The following TRIM2 variants were observed in gnomAD, a reference collection of about 807,000 sequenced individuals.
TRIM2 encodes tripartite motif containing 2.
TRIM2 carries 20 observed loss-of-function variants against 75.2 expected under a neutral mutation model. That is an observed-to-expected ratio of 0.27 (90% CI 0.19 to 0.39). TRIM2 has a LOEUF of 0.39. Among genes scored for constraint, TRIM2 ranks in the 10% least tolerant of loss-of-function variants. The pLI, the probability that TRIM2 is intolerant of heterozygous loss-of-function variation, is 1.00. For missense variants in TRIM2, 660 were observed against 990.8 expected (o/e 0.67, Z 4.48); for synonymous variants, 373 against 388.3 (o/e 0.96, Z 0.46).
At chr4:153,298,460 G>A (rs1763194596) in intron 6 of TRIM2, among the ~76,000 whole-genome samples, 1 of 152,080 alleles carries the variant, frequency 6.6e-6, no homozygotes, top group Non-Finnish European at 1.5e-5. Flanking sequence ...TTGTGGCTCA[G>A]CCCCTATTGT....
At chr4:153,242,951 G>A (rs963313634) in intron 1 of TRIM2, among the ~76,000 whole-genome samples, 4 of 152,248 alleles carry the variant, frequency 2.6e-5, no homozygotes, top group African/African-American at 9.6e-5. Flanking sequence ...CGGGGGTGGA[G>A]GCAGCATGAG....
At chr4:153,202,605 A>G (rs1398859415), upstream of TRIM2, among the ~76,000 whole-genome samples, 1 of 151,644 alleles carries the variant, frequency 6.6e-6, no homozygotes, top group Non-Finnish European at 1.5e-5. Context: ...AGTCTGAGGC[A>G]GGAGAATGGC....
At chr4:153,210,058 A>ATTTTTTTT (rs761134144) in intron 1 of TRIM2, among the ~76,000 whole-genome samples, 6 of 106,998 alleles carry the variant, frequency 5.6e-5, no homozygotes, top group African/African-American at 8.1e-5. Flanking sequence ...GGGTGATTTA[A>ATTTTTTTT]TTTTTTTTTT....
intron 10 of TRIM2, among the ~76,000 whole-genome samples, chr4:153,326,941 C>T (rs1236910407): frequency 7.1e-6 from 1 of 140,200 alleles, no homozygotes; most frequent in African/African-American, 2.7e-5. Flanking sequence ...GATTGTGCCA[C>T]TGCATTCCAG....
At chr4:153,188,756 A>C (rs1194164952) in intron 1 of TRIM2, among the ~76,000 whole-genome samples, 1 of 152,160 alleles carries the variant, frequency 6.6e-6, no homozygotes, top group Non-Finnish European at 1.5e-5. Flanking sequence ...AAACAAAAAA[A>C]AAAAAAGGAA....
intron 1 of TRIM2, among the ~76,000 whole-genome samples, chr4:153,247,001 G>A (rs916958485): frequency 7.9e-5 from 12 of 152,160 alleles, no homozygotes; most frequent in Admixed American, 3.3e-4. Flanking sequence ...GAGGCCTCCC[G>A]TTCTCATGTC....
At chr4:153,236,808 C>G (rs935103706) in intron 1 of TRIM2, among the ~76,000 whole-genome samples, 5 of 152,118 alleles carry the variant, frequency 3.3e-5, no homozygotes, top group Non-Finnish European at 7.3e-5. Flanking sequence ...CCTCCCAACT[C>G]AGCCTCCTCA....
At chr4:153,258,525 G>T (rs1174002363) in intron 1 of TRIM2, among the ~76,000 whole-genome samples, 1 of 151,970 alleles carries the variant, frequency 6.6e-6, no homozygotes, top group African/African-American at 2.4e-5. Context: ...TCCTTCTTTT[G>T]GGGGGATAGG....
chr4:153,323,797 A>T (rs1414735199), intron 9 of TRIM2, among the ~76,000 whole-genome samples: 1 of 152,160 alleles, frequency 6.6e-6, no homozygotes, highest in African/African-American at 2.4e-5. Context: ...CGGAGAATGA[A>T]TTCTGATGCT....
In TRIM2 at chr4:153,294,364, A is replaced by G. The variant is rs772230079; in HGVS notation, c.665A>G (p.Asn222Ser). The G allele has an allele frequency of 2.5e-6, 4 of 1,614,046 alleles. No individual in the cohort carries two copies. The highest frequency in any genetic ancestry group is 3.4e-6 in the Non-Finnish European group (4 of 1,180,042). ...TCTGAAATCATTCATCAGTTAACCAACCAAAAGGCCAGCATCGTGGATGAC... is the reference window on the plus strand; with the variant it reads ...TCTGAAATCATTCATCAGTTAACCAGCCAAAAGGCCAGCATCGTGGATGAC... ...FISEIIHQLT[N>S]QKASIVDDIH... Residue 222 changes from asparagine (N) to serine (S), a missense_variant, in exon 5 of 12, where the codon AAC (asparagine) becomes AGC (serine). Transcript: ENST00000338700.
rs544487833 is a variant in TRIM2, at chr4:153,271,393, A to T, written c.215+874A>T. The stretch of plus-strand genomic sequence containing the variant: ...ATGGCTTCAAATCTATGCTGATTAC[A>T]CAAATATCTGATTTAACATGTCTTT... On this transcript the variant is annotated intron_variant, in intron 2 of 11. Transcript: ENST00000338700. Among the ~76,000 whole-genome samples the T allele has an allele frequency of 3.3e-5, 5 of 152,352 alleles. 1 individual carries two copies. In the South Asian group the frequency reaches 1.0e-3, roughly 32 times the overall value.
intron 6 of TRIM2, 46 bp downstream of exon 6, chr4:153,296,082 A>G (rs763983359): frequency 2.0e-6 from 3 of 1,506,842 alleles, no homozygotes; most frequent in East Asian, 4.6e-5. Context: ...GGCACTGGTT[A>G]AGGGGTAACT....
At chr4:153,229,510 G>A (rs960845507) in intron 1 of TRIM2, among the ~76,000 whole-genome samples, 10 of 152,064 alleles carry the variant, frequency 6.6e-5, no homozygotes, top group Non-Finnish European at 1.2e-4. Context: ...CACCTGCCTC[G>A]GCCTCCCAAA....
At chr4:153,267,982 G>A (rs1755706741) in intron 1 of TRIM2, among the ~76,000 whole-genome samples, 1 of 152,158 alleles carries the variant, frequency 6.6e-6, no homozygotes, top group African/African-American at 2.4e-5. Flanking sequence ...AGTTTTTAAA[G>A]ATAATTTAGC....
At chr4:153,286,849 A>G (rs1339464001) in intron 3 of TRIM2, among the ~76,000 whole-genome samples, 1 of 148,994 alleles carries the variant, frequency 6.7e-6, no homozygotes, top group Non-Finnish European at 1.5e-5. Context: ...TCTGTCAATT[A>G]TATACTATCC....
At chr4:153,179,138 G>GCACT (rs1731781051) in intron 1 of TRIM2, among the ~76,000 whole-genome samples, 1 of 151,896 alleles carries the variant, frequency 6.6e-6, no homozygotes, top group Admixed American at 6.6e-5. Flanking sequence ...TCTCACCACT[G>GCACT]CACTCCAGCC....
At chr4:153,213,345 T>C (rs1192340736) in intron 1 of TRIM2, among the ~76,000 whole-genome samples, 1 of 152,210 alleles carries the variant, frequency 6.6e-6, no homozygotes, top group Non-Finnish European at 1.5e-5. Flanking sequence ...TCTATTTCTG[T>C]TCATTTAACT....
At chr4:153,241,302 T>C (rs1310480178) in intron 1 of TRIM2, among the ~76,000 whole-genome samples, 1 of 152,158 alleles carries the variant, frequency 6.6e-6, no homozygotes, top group African/African-American at 2.4e-5. Context: ...CTGGCTAATG[T>C]CTAGGCAGGC....
intron 4 of TRIM2, among the ~76,000 whole-genome samples, chr4:153,293,907 G>A (rs945139276): frequency 2.8e-4 from 42 of 152,152 alleles, no homozygotes; most frequent in African/African-American, 9.9e-4. Context: ...TTGGCAGGGG[G>A]TTGGGGAGAG....
Sources: allele counts gnomAD v4.1 joint callset (sites outside exome capture counted in the v4.1 genomes callset), GRCh38; gene constraint gnomAD v4.1.1; transcripts MANE v1.5; gene names NCBI Gene and HGNC (gene_info 2026-07-23, HGNC 2026-07-21).